EEFSEC: variants seen among roughly 807,000 people sequenced by gnomAD.
EEFSEC encodes the protein selenocysteine-specific elongation factor.
Under a neutral mutation model 42.1 loss-of-function variants are expected in EEFSEC, and 43 were observed. The ratio of observed to expected loss-of-function variants is 1.02; its 90% confidence interval spans 0.80 to 1.32. The LOEUF is 1.32. EEFSEC is among the 40% of genes most tolerant of loss of function. EEFSEC has a pLI of 0.00. For missense variants in EEFSEC, 745 were observed against 803.6 expected (o/e 0.93, Z 0.88); for synonymous variants, 354 against 339.1 (o/e 1.04, Z -0.48).
chr3:128,403,886 G>T (rs2068078794), intron 6 of EEFSEC, among the ~76,000 whole-genome samples: 1 of 152,242 alleles, frequency 6.6e-6, no homozygotes, highest in Non-Finnish European at 1.5e-5. Flanking sequence ...CCCTTCTGCT[G>T]TCTGGAGATC....
chr3:128,239,645 C>T (rs1406704159), intron 1 of EEFSEC, among the ~76,000 whole-genome samples: 1 of 152,204 alleles, frequency 6.6e-6, no homozygotes, highest in Non-Finnish European at 1.5e-5. Flanking sequence ...TCAAAACATG[C>T]CCTCCCTCTG....
At chr3:128,338,881 G>A (rs374150314) in intron 4 of EEFSEC, among the ~76,000 whole-genome samples, 6 of 151,340 alleles carry the variant, frequency 4.0e-5, no homozygotes, top group South Asian at 4.1e-4. Context: ...CTTCCTGCTC[G>A]TGGCAGGACC....
intron 6 of EEFSEC, among the ~76,000 whole-genome samples, chr3:128,371,228 A>T (rs1012319484): frequency 1.3e-5 from 2 of 152,112 alleles, no homozygotes; most frequent in African/African-American, 4.8e-5. Context: ...CCTGAGGCTC[A>T]TCCTTGGATG....
intron 1 of EEFSEC, among the ~76,000 whole-genome samples, chr3:128,186,530 T>G (rs1305534783): frequency 1.3e-5 from 2 of 152,228 alleles, no homozygotes; most frequent in Admixed American, 1.3e-4. Context: ...TACCTATGTT[T>G]TCTTCTCAGT....
downstream of EEFSEC, among the ~76,000 whole-genome samples, chr3:128,413,588 G>C (rs1034984403): frequency 6.6e-6 from 1 of 152,182 alleles, no homozygotes; most frequent in Non-Finnish European, 1.5e-5. Flanking sequence ...ATGAGGTGTT[G>C]CTCAGTCCCC....
intron 6 of EEFSEC, among the ~76,000 whole-genome samples, chr3:128,374,783 G>T (rs191470484): frequency 6.6e-6 from 1 of 152,116 alleles, no homozygotes; most frequent in African/African-American, 2.4e-5. Flanking sequence ...AAACCTGAAG[G>T]AATTATAATT....
chr3:128,413,931 C>T, the EEFSEC span, among the ~76,000 whole-genome samples: 3 of 152,338 alleles, frequency 2.0e-5, no homozygotes, highest in South Asian at 4.1e-4. Context: ...ACAGAGGCAA[C>T]GGAGCTGTGG....
intron 1 of EEFSEC, among the ~76,000 whole-genome samples, chr3:128,172,987 G>A (rs1221488175): frequency 6.6e-6 from 1 of 152,232 alleles, no homozygotes; most frequent in Non-Finnish European, 1.5e-5. Flanking sequence ...ATAAGCTGTG[G>A]AATGTATTAG....
chr3:128,318,195 G>A (rs2066968745), intron 4 of EEFSEC, among the ~76,000 whole-genome samples: 1 of 152,258 alleles, frequency 6.6e-6, no homozygotes, highest in Admixed American at 6.5e-5. Flanking sequence ...CTGCTGTGAG[G>A]CAAGGGGGGT....
rs2066303782 is a variant in EEFSEC, at chr3:128,262,148, T to C, written c.545T>C (p.Ile182Thr). ...ENTKFRGAPI[I>T]PVAAKPGGPE... is the part of the protein sequence containing the mutation. ...TTCAGGTTCCGAGGTGCACCGATTA[T>C]ACCCGTGGCGGCCAAGCCGGGGGGA... The change falls in exon 3 of 7, where the codon ATA becomes ACA. Residue 182 changes from isoleucine (I) to threonine (T), a missense_variant. By Grantham distance (89) the Ile-to-Thr change is moderately conservative. Transcript: ENST00000254730. 3 of 1,614,102 alleles carry C rather than the reference T, an allele frequency of 1.9e-6. No homozygotes were observed. Among genetic ancestry groups the C allele is most frequent in the Non-Finnish European group, 2.5e-6 (3 of 1,179,974 alleles).
intron 4 of EEFSEC, among the ~76,000 whole-genome samples, chr3:128,316,165 T>C (rs949429513): frequency 6.6e-6 from 1 of 152,226 alleles, no homozygotes; most frequent in Admixed American, 6.5e-5. Flanking sequence ...TATTCAGTTA[T>C]AATAGAAATA....
chr3:128,348,295 T>C (rs966377947), intron 5 of EEFSEC, among the ~76,000 whole-genome samples: 1 of 150,120 alleles, frequency 6.7e-6, no homozygotes, highest in East Asian at 1.9e-4. Context: ...TGTGTGTGCG[T>C]GTGTGTGTGT....
intron 4 of EEFSEC, among the ~76,000 whole-genome samples, chr3:128,286,136 A>G (rs1576608162): frequency 1.3e-5 from 2 of 152,228 alleles, no homozygotes; most frequent in Non-Finnish European, 2.9e-5. Flanking sequence ...CTTTGCTGAT[A>G]TGTACAGTCT....
intron 4 of EEFSEC, among the ~76,000 whole-genome samples, chr3:128,334,071 G>C (rs1440098190): frequency 2.0e-5 from 3 of 152,232 alleles, no homozygotes; most frequent in Admixed American, 2.0e-4. Flanking sequence ...GTCCAGCAGG[G>C]AGAGGGCTGC....
chr3:128,338,049 C>T (rs1293390357), intron 4 of EEFSEC, among the ~76,000 whole-genome samples: 1 of 152,244 alleles, frequency 6.6e-6, no homozygotes, highest in Non-Finnish European at 1.5e-5. Flanking sequence ...GTGCTAAATA[C>T]ACAAGGTGCA....
In EEFSEC at chr3:128,364,634, T is replaced by C. The variant is rs1024363944; in HGVS notation, c.1600+6261T>C. ...GGCATGTGAATTCTCAGACTGCCCCTCCAGGGCCTCTTCCAGCCTCATTCA... is the reference window on the plus strand; with the variant it reads ...GGCATGTGAATTCTCAGACTGCCCCCCCAGGGCCTCTTCCAGCCTCATTCA... On this transcript the variant is annotated intron_variant, in intron 6 of 6. Coordinates refer to ENST00000254730, the MANE Select transcript of EEFSEC (RefSeq NM_021937.5). Among the ~76,000 whole-genome samples, 5 of 152,146 alleles carry C rather than the reference T, an allele frequency of 3.3e-5. No individual in the cohort carries two copies. The East Asian group carries it at 9.6e-4, about 29-fold the overall frequency.
At chr3:128,286,786 A>T (rs2066590714) in intron 4 of EEFSEC, among the ~76,000 whole-genome samples, 1 of 152,206 alleles carries the variant, frequency 6.6e-6, no homozygotes, top group African/African-American at 2.4e-5. Flanking sequence ...TAGCAGATAG[A>T]GCTAGGAAAG....
chr3:128,348,748 G>T (rs2067346835), intron 5 of EEFSEC, among the ~76,000 whole-genome samples: 1 of 152,192 alleles, frequency 6.6e-6, no homozygotes, highest in Non-Finnish European at 1.5e-5. Context: ...AAAATGATGT[G>T]GGGTGAAGGA....
intron 1 of EEFSEC, among the ~76,000 whole-genome samples, chr3:128,197,766 GCAT>G (rs1015474226): frequency 6.6e-6 from 1 of 152,092 alleles, no homozygotes; most frequent in African/African-American, 2.4e-5. Flanking sequence ...GCTGTGTTCT[GCAT>G]CATCATCAGT....
Sources: gnomAD v4.1 joint callset for allele counts (sites outside exome capture counted in the v4.1 genomes callset) on GRCh38, gnomAD v4.1.1 for gene constraint, MANE v1.5 for transcripts, NCBI Gene and HGNC (gene_info 2026-07-23, HGNC 2026-07-21) for gene names.